Variants in ICE1 observed in about 807,000 individuals in gnomAD.
ICE1 encodes little elongation complex subunit 1.
A neutral mutation model predicts 192.7 loss-of-function variants in ICE1; 64 were observed. The ratio of observed to expected loss-of-function variants is 0.33; its 90% CI spans 0.27 to 0.41. The LOEUF is 0.41. Ranked by LOEUF, ICE1 falls within the 10% of genes least tolerant of loss-of-function variation. ICE1 has a pLI of 1.00. For synonymous variants in ICE1, 1,010 were observed against 984.5 expected (o/e 1.03, Z -0.49); for missense variants, 2,708 against 2,696.0 (o/e 1.00, Z -0.10).
At chr5:5,458,281 T>C (rs1015928627) in intron 12 of ICE1, among the ~76,000 whole-genome samples, 3 of 152,232 alleles carry the variant, frequency 2.0e-5, no homozygotes, top group Non-Finnish European at 4.4e-5. Context: ...CTGGAATCAG[T>C]TTCTTTCTTT....
In ICE1 at chr5:5,461,998, A is replaced by T. The variant is rs1275206202; in HGVS notation, c.2664A>T (p.Val888=). The change falls in exon 13 of 19, where the codon GTA becomes GTT. Residue 888 remains valine (V), a synonymous_variant. Coordinates refer to ENST00000296564, the MANE Select transcript of ICE1 (RefSeq NM_015325.3). ...CACATAGGGTTGAGCCTACCTTAGT[A>T]ACAGAAAATAGTGGCAACAAAACCG... ...LRPHRVEPTL[V]TENSGNKTGM... is the part of the protein sequence containing the mutation. 6 of 1,613,878 alleles carry T rather than the reference A, an allele frequency of 3.7e-6. No individual in the cohort carries two copies. Among genetic ancestry groups the T allele is most frequent in the Non-Finnish European group, 5.1e-6 (6 of 1,179,894 alleles).
At chr5:5,427,877 T>C (rs1233287816) in intron 1 of ICE1, among the ~76,000 whole-genome samples, 1 of 152,176 alleles carries the variant, frequency 6.6e-6, no homozygotes, top group Admixed American at 6.5e-5. Flanking sequence ...ATAGGTATAA[T>C]ATAAATATTA....
chr5:5,443,614 G>A (rs1445591289), intron 6 of ICE1, among the ~76,000 whole-genome samples: 1 of 152,146 alleles, frequency 6.6e-6, no homozygotes, highest in Non-Finnish European at 1.5e-5. Flanking sequence ...GTGTCTGTGT[G>A]TCAGAACATA....
intron 3 of ICE1, among the ~76,000 whole-genome samples, chr5:5,438,401 T>C (rs764752569): frequency 3.3e-5 from 5 of 152,206 alleles, no homozygotes; most frequent in African/African-American, 4.8e-5. Flanking sequence ...TTAAGAGATA[T>C]CCTTTAGATT....
intron 7 of ICE1, 116 bp from the exon 8 acceptor site, chr5:5,447,311 A>G (rs1738259168): frequency 1.4e-6 from 1 of 697,982 alleles, no homozygotes; most frequent in Admixed American, 3.3e-5. Context: ...AATTTATTTC[A>G]AACTTTTAAG....
Position 5,460,835 on chromosome 5 carries a change from A to T in ICE1, c.1501A>T (p.Ile501Phe). Residue 501 changes from isoleucine to phenylalanine, a missense_variant, in exon 13 of 19, where the codon ATT (isoleucine) becomes TTT (phenylalanine). Around this residue, in one of 2 missense-constraint regions of ICE1, gnomAD observed 2,366 missense variants for 2,276.6 expected, o/e 1.04. Coordinates refer to ENST00000296564, the MANE Select transcript of ICE1 (RefSeq NM_015325.3). ...MDKSVQTEKT[I>F]HKLTRGLCIE... ...TAAGTCAGTACAAACTGAGAAGACCATTCATAAACTCACTCGAGGTCTATG... is the reference window on the plus strand; with the variant it reads ...TAAGTCAGTACAAACTGAGAAGACCTTTCATAAACTCACTCGAGGTCTATG... 1 of 1,614,072 alleles carries T rather than the reference A, an allele frequency of 6.2e-7. No homozygotes were observed. The highest frequency in any genetic ancestry group is 8.5e-7 in the Non-Finnish European group (1 of 1,179,912).
intron 1 of ICE1, among the ~76,000 whole-genome samples, chr5:5,424,772 C>T (rs140071258): frequency 1.4e-3 from 211 of 152,292 alleles, no homozygotes; most frequent in African/African-American, 4.9e-3. Context: ...GAAGAAAAGT[C>T]TCCCATACAG....
intron 6 of ICE1, among the ~76,000 whole-genome samples, 159 bp downstream of exon 6, chr5:5,443,403 A>T (rs1738108420): frequency 6.6e-6 from 1 of 152,024 alleles, no homozygotes; most frequent in Non-Finnish European, 1.5e-5. Context: ...TGGTTTCCAC[A>T]TCTGTAAACT....
chr5:5,429,173 C>G (rs1737620948), intron 1 of ICE1, among the ~76,000 whole-genome samples: 1 of 152,156 alleles, frequency 6.6e-6, no homozygotes, highest in Non-Finnish European at 1.5e-5. Flanking sequence ...CGGGGAATCT[C>G]ATTAGGGACC....
chr5:5,462,374 T>C lies in ICE1; in HGVS notation c.3040T>C (p.Phe1014Leu). 1.9e-6 allele frequency: 3 copies of C among 1,613,448 alleles called. No individual in the cohort carries two copies. The South Asian group carries it at 3.3e-5, about 18-fold the overall frequency. ...PATEVTVSGG[F>L]SVEETSCGDT... ...CACAGAAGTGACTGTGTCAGGAGGG[T>C]TTTCTGTTGAAGAAACCAGCTGTGG... The change falls in exon 13 of 19, where the codon TTT becomes CTT. Residue 1014 changes from phenylalanine to leucine, a missense_variant. This residue lies in a region of ICE1 where 2,366 missense variants were observed against 2,276.6 expected (regional missense o/e 1.04). Transcript: ENST00000296564.
intron 7 of ICE1, among the ~76,000 whole-genome samples, chr5:5,446,008 C>T (rs917621579): frequency 3.3e-5 from 5 of 149,828 alleles, no homozygotes; most frequent in East Asian, 4.0e-4. Context: ...CGTGAGTCAC[C>T]GCGCCTGGCC....
chr5:5,479,289 G>A (rs544265630), intron 17 of ICE1, among the ~76,000 whole-genome samples: 64 of 152,262 alleles, frequency 4.2e-4, no homozygotes, highest in Non-Finnish European at 6.0e-4. Context: ...CAAAGGATAC[G>A]AACAGACACT....
chr5:5,485,512 G>GGATATTCTT (rs1189911988), intron 17 of ICE1, among the ~76,000 whole-genome samples: 1 of 152,110 alleles, frequency 6.6e-6, no homozygotes, highest in Non-Finnish European at 1.5e-5. Flanking sequence ...TTTCAAATAC[G>GGATATTCTT]GATATTCTTT....
At chr5:5,449,772 C>T (rs191122043) in intron 10 of ICE1, among the ~76,000 whole-genome samples, 1 of 152,122 alleles carries the variant, frequency 6.6e-6, no homozygotes, top group Admixed American at 6.6e-5. Flanking sequence ...AACTGTGGCC[C>T]CAGTTTCATT....
At chr5:5,431,316 T>C (rs1456405632) in intron 1 of ICE1, among the ~76,000 whole-genome samples, 4 of 152,328 alleles carry the variant, frequency 2.6e-5, no homozygotes, top group African/African-American at 9.6e-5. Flanking sequence ...CCCTTGCAAG[T>C]CTCTGCCAGT....
chr5:5,448,793 T>A (rs1286407883), intron 10 of ICE1, among the ~76,000 whole-genome samples: 1 of 152,244 alleles, frequency 6.6e-6, no homozygotes, highest in African/African-American at 2.4e-5. Context: ...TATGTTTTCC[T>A]TGGTGTAAGG....
intron 17 of ICE1, among the ~76,000 whole-genome samples, chr5:5,479,263 C>G (rs879389928): frequency 1.3e-5 from 2 of 151,952 alleles, no homozygotes; most frequent in Admixed American, 6.6e-5. Flanking sequence ...AAAAAACAAC[C>G]CTATCAAAAA....
chr5:5,461,583 G>A lies in ICE1; in HGVS notation c.2249G>A (p.Gly750Glu). The A allele has an allele frequency of 1.2e-6, 2 of 1,613,110 alleles. No individual in the cohort carries two copies. The highest frequency in any genetic ancestry group is 1.7e-6 in the Non-Finnish European group (2 of 1,179,528). ...RSVFMKATKD[G>E]QCESQDPRIE... ...GTATTTATGAAAGCTACAAAAGATGGGCAATGTGAAAGTCAAGATCCAAGA... is the reference window on the plus strand; with the variant it reads ...GTATTTATGAAAGCTACAAAAGATGAGCAATGTGAAAGTCAAGATCCAAGA... The change falls in exon 13 of 19, where the codon GGG (glycine) becomes GAG (glutamate). Residue 750 changes from glycine (G) to glutamate (E), a missense_variant. Transcript: ENST00000296564.
At chr5:5,470,449 T>A (rs918187674) in intron 15 of ICE1, among the ~76,000 whole-genome samples, 9 of 152,212 alleles carry the variant, frequency 5.9e-5, no homozygotes, top group Admixed American at 2.0e-4. Context: ...AGTAAATGTA[T>A]TTGCTAAATA....
Sources: allele counts gnomAD v4.1 joint callset (sites outside exome capture counted in the v4.1 genomes callset), GRCh38; gene constraint gnomAD v4.1.1; regional missense constraint gnomAD v4.1.1; transcripts MANE v1.5; gene names NCBI Gene and HGNC (gene_info 2026-07-23, HGNC 2026-07-21).